Variants in GBE1 observed in about 807,000 individuals in gnomAD.
The protein encoded by GBE1 is 1,4-alpha-glucan branching enzyme 1, also known as 1,4-alpha-glucan-branching enzyme.
A neutral mutation model predicts 88.8 loss-of-function variants in GBE1; 70 were observed. The ratio of observed to expected loss-of-function variants is 0.79; its 90% CI spans 0.65 to 0.96. GBE1 has a LOEUF of 0.96. GBE1 is among the 40% of genes least tolerant of loss of function. GBE1 has a pLI of 0.00. For synonymous variants in GBE1, 284 were observed against 300.1 expected, an observed-to-expected ratio of 0.95 and a Z score of 0.56; for missense variants, 872 against 871.0, an observed-to-expected ratio of 1.00 and a Z score of -0.01.
intron 7 of GBE1, among the ~76,000 whole-genome samples, chr3:81,614,238 A>G (rs1704219096): frequency 2.0e-5 from 3 of 152,198 alleles, no homozygotes; most frequent in African/African-American, 7.2e-5. Flanking sequence ...AATTTTTAAA[A>G]TATCTTTCTC....
chr3:81,636,734 T>C (rs1441062286), intron 7 of GBE1, among the ~76,000 whole-genome samples: 2 of 152,112 alleles, frequency 1.3e-5, no homozygotes, highest in Non-Finnish European at 2.9e-5. Flanking sequence ...TTCTCTATAT[T>C]GGTCAGGCTG....
chr3:81,580,504 T>C (rs1703711841), intron 11 of GBE1, among the ~76,000 whole-genome samples: 1 of 151,990 alleles, frequency 6.6e-6, no homozygotes, highest in Non-Finnish European at 1.5e-5. Flanking sequence ...AGCTGACCTA[T>C]TTGGAATGGG....
intron 14 of GBE1, among the ~76,000 whole-genome samples, chr3:81,520,352 T>C (rs1214111893): frequency 1.3e-5 from 2 of 151,562 alleles, no homozygotes; most frequent in Non-Finnish European, 3.0e-5. Flanking sequence ...ATTACTATAC[T>C]ATATTAAACT....
At chr3:81,607,277 G>A (rs1704116099) in intron 7 of GBE1, among the ~76,000 whole-genome samples, 3 of 152,144 alleles carry the variant, frequency 2.0e-5, no homozygotes, top group Non-Finnish European at 4.4e-5. Flanking sequence ...CAGGCCAGGA[G>A]TGGTGGCTCA....
chr3:81,646,453 T>C lies in GBE1; in HGVS notation c.721A>G (p.Met241Val), dbSNP rs747155575. 7.0e-5 allele frequency: 113 copies of C among 1,604,304 alleles called. No individual in the cohort carries two copies. Among genetic ancestry groups the C allele is most frequent in the Non-Finnish European group, 9.4e-5 (110 of 1,175,288 alleles). ...GYNCIQLMAI[M>V]EHAYYASFGY... ...AAGCTGGCATAGTAAGCATGCTCCA[T>C]GATTGCCATCAACTGAATGCAGTTG... Residue 241 changes from methionine to valine, a missense_variant, in exon 6 of 16, where the codon ATG becomes GTG. Physicochemically the swap from Met to Val is conservative, Grantham distance 21. Transcript: ENST00000429644.
intron 14 of GBE1, among the ~76,000 whole-genome samples, chr3:81,526,475 T>C (rs991941072): frequency 1.3e-5 from 2 of 152,066 alleles, no homozygotes; most frequent in Admixed American, 6.6e-5. Flanking sequence ...GAAAACCCCA[T>C]TGTCTCAGCC....
intron 1 of GBE1, among the ~76,000 whole-genome samples, chr3:81,716,047 A>C (rs1705932680): frequency 6.6e-6 from 1 of 152,174 alleles, no homozygotes; most frequent in Non-Finnish European, 1.5e-5. Context: ...AATCTTTTTA[A>C]ATTTTATTCA....
intron 1 of GBE1, among the ~76,000 whole-genome samples, chr3:81,752,959 T>C (rs1706551671): frequency 6.6e-6 from 1 of 152,200 alleles, no homozygotes; most frequent in African/African-American, 2.4e-5. Flanking sequence ...CAAACTATTA[T>C]TTGTTTACTG....
chr3:81,721,308 C>G (rs1436183846), intron 1 of GBE1, among the ~76,000 whole-genome samples: 1 of 145,126 alleles, frequency 6.9e-6, no homozygotes, highest in African/African-American at 2.6e-5. Flanking sequence ...AATCTGTGTG[C>G]TAATAATGTC....
At chr3:81,718,080 G>A (rs1286817257) in intron 1 of GBE1, among the ~76,000 whole-genome samples, 1 of 151,626 alleles carries the variant, frequency 6.6e-6, no homozygotes, top group African/African-American at 2.4e-5. Flanking sequence ...CCTGGCTTCA[G>A]GCGAATCTCC....
intron 14 of GBE1, among the ~76,000 whole-genome samples, chr3:81,511,856 T>C (rs1185541582): frequency 6.8e-6 from 1 of 146,416 alleles, no homozygotes; most frequent in African/African-American, 2.6e-5. Flanking sequence ...GGAAAATAAA[T>C]TGTCCTACAA....
intron 7 of GBE1, among the ~76,000 whole-genome samples, chr3:81,627,746 C>CATAT (rs59598450): frequency 6.8e-4 from 87 of 127,134 alleles, no homozygotes; most frequent in South Asian, 4.0e-3. Context: ...ATATATTTTA[C>CATAT]ATATATATAT....
chr3:81,761,461 A>G lies in GBE1; in HGVS notation c.57T>C (p.Asn19=). The part of the protein sequence containing the change: ...ARPEDYEAAL[N]AALADVPELA... ...GTTCGGGCACGTCAGCCAGGGCGGC[A>G]TTGAGCGCCGCCTCGTAGTCCTCGG... The change falls in exon 1 of 16, where the codon AAT becomes AAC. Residue 19 remains asparagine, a synonymous_variant. Coordinates refer to ENST00000429644, the MANE Select transcript of GBE1 (RefSeq NM_000158.4). 1 of 1,613,422 alleles carries G rather than the reference A, an allele frequency of 6.2e-7. No homozygotes were observed. The highest frequency in any genetic ancestry group is 8.5e-7 in the Non-Finnish European group (1 of 1,179,696).
At chr3:81,508,682 C>A (rs1027497207) in intron 14 of GBE1, among the ~76,000 whole-genome samples, 1 of 152,040 alleles carries the variant, frequency 6.6e-6, no homozygotes, top group African/African-American at 2.4e-5. Context: ...TAATTGGAAA[C>A]GGGGACGTCT....
intron 4 of GBE1, among the ~76,000 whole-genome samples, 174 bp from the exon 5 acceptor site, chr3:81,649,165 TCCTGCTAGTGGA>T (rs1434495555): frequency 6.6e-6 from 1 of 152,142 alleles, no homozygotes; most frequent in East Asian, 1.9e-4. Context: ...GTCCTTATGG[TCCTGCTAGTGGA>T]CCTATTTTAA....
At chr3:81,503,816 T>C (rs1483504444) in intron 14 of GBE1, among the ~76,000 whole-genome samples, 1 of 152,204 alleles carries the variant, frequency 6.6e-6, no homozygotes, top group Non-Finnish European at 1.5e-5. Flanking sequence ...ATTTCTCAGG[T>C]TGAAATTCTT....
In GBE1 at chr3:81,753,180, G is replaced by A. The variant is rs1241788551; in HGVS notation, c.143+8195C>T. On this transcript the variant is annotated intron_variant, in intron 1 of 15. Coordinates refer to ENST00000429644, the MANE Select transcript of GBE1 (RefSeq NM_000158.4). Reference sequence around the variant, plus strand: ...ATTTTAAAACTCTACATAATCATGTGTTTAACATAGAGTCTTACCTTTTGT... The same window carrying A: ...ATTTTAAAACTCTACATAATCATGTATTTAACATAGAGTCTTACCTTTTGT... 2.0e-5 allele frequency among the ~76,000 whole-genome samples: 3 copies of A among 152,134 alleles called. No homozygotes were observed. In the South Asian group the frequency reaches 6.2e-4, roughly 31 times the overall value.
At chr3:81,657,578 T>C (rs1349731472) in intron 3 of GBE1, among the ~76,000 whole-genome samples, 2 of 152,230 alleles carry the variant, frequency 1.3e-5, no homozygotes, top group Non-Finnish European at 1.5e-5. Flanking sequence ...CCTGGGTGAA[T>C]TTTTCTAAAA....
At chr3:81,671,839 T>A (rs1244003717) in intron 2 of GBE1, among the ~76,000 whole-genome samples, 1 of 152,014 alleles carries the variant, frequency 6.6e-6, no homozygotes, top group Non-Finnish European at 1.5e-5. Flanking sequence ...AAACTTGTCA[T>A]CATAAATAGA....
Sources: gnomAD v4.1 joint callset for allele counts (sites outside exome capture counted in the v4.1 genomes callset) on GRCh38, gnomAD v4.1.1 for gene constraint, MANE v1.5 for transcripts, NCBI Gene and HGNC (gene_info 2026-07-23, HGNC 2026-07-21) for gene names.